The following SLC9A9 variants were observed in gnomAD, a reference collection of about 807,000 sequenced individuals.
SLC9A9 encodes sodium/hydrogen exchanger 9.
A neutral mutation model predicts 77.8 loss-of-function variants in SLC9A9; 62 were observed. That is an observed-to-expected ratio of 0.80 (90% CI 0.65 to 0.98). SLC9A9 has a LOEUF of 0.98. Ranked by LOEUF, SLC9A9 falls within the 50% of genes least tolerant of loss-of-function variation. The pLI is 0.00. For synonymous variants in SLC9A9, 320 were observed against 283.5 expected, an observed-to-expected ratio of 1.13 and a Z score of -1.29; for missense variants, 775 against 774.9, an observed-to-expected ratio of 1.00 and a Z score of 0.00.
At chr3:143,303,498 G>A (rs1046733760) in intron 14 of SLC9A9, among the ~76,000 whole-genome samples, 1 of 152,132 alleles carries the variant, frequency 6.6e-6, no homozygotes, top group South Asian at 2.1e-4. Flanking sequence ...TCTTGCATGA[G>A]AGGCAGCAAG....
intron 12 of SLC9A9, among the ~76,000 whole-genome samples, chr3:143,462,245 C>A (rs1474322202): frequency 6.6e-6 from 1 of 152,056 alleles, no homozygotes; most frequent in African/African-American, 2.4e-5. Flanking sequence ...TGGTGGTGCA[C>A]ACCTGTAGTC....
chr3:143,694,623 G>A (rs941287434), intron 4 of SLC9A9, among the ~76,000 whole-genome samples: 1 of 152,104 alleles, frequency 6.6e-6, no homozygotes, highest in Non-Finnish European at 1.5e-5. Flanking sequence ...ACTGAATATA[G>A]TGTGATGAAG....
intron 14 of SLC9A9, among the ~76,000 whole-genome samples, chr3:143,292,383 T>A (rs1286980087): frequency 6.6e-6 from 1 of 152,216 alleles, no homozygotes; most frequent in African/African-American, 2.4e-5. Flanking sequence ...ACACTACTAT[T>A]TCCATTGTAC....
chr3:143,488,464 G>C (rs1353772969), intron 11 of SLC9A9, among the ~76,000 whole-genome samples: 4 of 151,894 alleles, frequency 2.6e-5, no homozygotes, highest in African/African-American at 9.7e-5. Context: ...ACCACAGACT[G>C]CTATTCCTTA....
At chr3:143,433,281 T>C (rs2034559123) in intron 12 of SLC9A9, among the ~76,000 whole-genome samples, 2 of 152,160 alleles carry the variant, frequency 1.3e-5, no homozygotes, top group Non-Finnish European at 2.9e-5. Context: ...TTAAAAGAGA[T>C]GGTTGCTGGG....
chr3:143,438,778 A>AC (rs1485447730), intron 12 of SLC9A9, among the ~76,000 whole-genome samples: 1 of 152,056 alleles, frequency 6.6e-6, no homozygotes, highest in African/African-American at 2.4e-5. Flanking sequence ...TGGGGAGTGG[A>AC]CCCGAGTTAC....
chr3:143,724,003 C>T (rs1446167557), intron 4 of SLC9A9, among the ~76,000 whole-genome samples: 1 of 152,170 alleles, frequency 6.6e-6, no homozygotes, highest in African/African-American at 2.4e-5. Context: ...AATAATAGCT[C>T]CATTATTTAG....
Position 143,421,216 on chromosome 3 carries a change from C to T in SLC9A9, c.1470-39102G>A, listed in dbSNP as rs532791960. ...GCCAAAGCAATCTACAGATTCAATGCTATTCCTATCAGACTACCAATGTCA... is the reference window on the plus strand; with the variant it reads ...GCCAAAGCAATCTACAGATTCAATGTTATTCCTATCAGACTACCAATGTCA... On this transcript the variant is annotated intron_variant, in intron 12 of 15. Coordinates refer to ENST00000316549, the MANE Select transcript of SLC9A9 (RefSeq NM_173653.4). Among the ~76,000 whole-genome samples the T allele has an allele frequency of 3.8e-3, 573 of 152,256 alleles. 5 individuals carry two copies. Among genetic ancestry groups the T allele is most frequent in the Non-Finnish European group, 5.9e-3 (400 of 68,006 alleles).
chr3:143,356,808 C>A (rs957271085), intron 14 of SLC9A9, among the ~76,000 whole-genome samples: 9 of 152,176 alleles, frequency 5.9e-5, no homozygotes, highest in African/African-American at 1.9e-4. Flanking sequence ...AGCCACTGAA[C>A]CCAGCCTCTT....
chr3:143,822,864 C>T lies in SLC9A9; in HGVS notation c.378+9155G>A, dbSNP rs986971358. Among the ~76,000 whole-genome samples, 4 of 152,198 alleles carry T rather than the reference C, an allele frequency of 2.6e-5. No homozygotes were observed. In the South Asian group the frequency reaches 8.3e-4, roughly 32 times the overall value. ...CTTTGCTCAGGCTCCTTTTCTCTCC[C>T]TCTCTCCCTGCCTTGAATCTCTCTC... On this transcript the variant is annotated intron_variant, in intron 2 of 15. Coordinates refer to ENST00000316549, the MANE Select transcript of SLC9A9 (RefSeq NM_173653.4).
At chr3:143,814,202 G>A (rs896952118) in intron 2 of SLC9A9, among the ~76,000 whole-genome samples, 1 of 152,124 alleles carries the variant, frequency 6.6e-6, no homozygotes, top group Non-Finnish European at 1.5e-5. Context: ...AGTAAGAGGG[G>A]TCAGAAAGGC....
chr3:143,646,024 C>T (rs1029173288), intron 6 of SLC9A9, among the ~76,000 whole-genome samples: 4 of 152,040 alleles, frequency 2.6e-5, no homozygotes, highest in Non-Finnish European at 5.9e-5. Context: ...TCTTCTTTCT[C>T]TTCTATCATG....
chr3:143,477,761 A>AT (rs1468287688), intron 11 of SLC9A9, among the ~76,000 whole-genome samples: 2 of 152,138 alleles, frequency 1.3e-5, no homozygotes, highest in African/African-American at 4.8e-5. Context: ...ATCACAGACT[A>AT]TTTTTTAACA....
At chr3:143,743,221 GGATGGATGGATGGATGGATGGATA>G (rs2108818208) in intron 4 of SLC9A9, among the ~76,000 whole-genome samples, 1 of 115,314 alleles carries the variant, frequency 8.7e-6, no homozygotes, top group South Asian at 3.0e-4. Flanking sequence ...ATGGATGGAT[GGATGGATGGATGGATGGATGGATA>G]GATAGATAGA....
chr3:143,402,846 T>G (rs2033895011), intron 12 of SLC9A9, among the ~76,000 whole-genome samples: 1 of 146,812 alleles, frequency 6.8e-6, no homozygotes. Context: ...GTTATTGATA[T>G]AGTTGGATTT....
At chr3:143,682,183 A>C (rs1933122859) in intron 5 of SLC9A9, among the ~76,000 whole-genome samples, 1 of 152,202 alleles carries the variant, frequency 6.6e-6, no homozygotes, top group Non-Finnish European at 1.5e-5. Context: ...AATCAGATAA[A>C]TTACAGTAAT....
chr3:143,270,744 G>T (rs557057147), intron 14 of SLC9A9, among the ~76,000 whole-genome samples: 5 of 152,154 alleles, frequency 3.3e-5, no homozygotes, highest in African/African-American at 1.2e-4. Context: ...CTGCTGAGAG[G>T]CTCAGCATAC....
At chr3:143,818,463 C>T (rs72995501) in intron 2 of SLC9A9, among the ~76,000 whole-genome samples, 39,906 of 151,816 alleles carry the variant, frequency 0.26, 5,248 homozygotes, top group South Asian at 0.35. Context: ...TGCACCGCCA[C>T]GCCCAGCTGA....
intron 9 of SLC9A9, among the ~76,000 whole-genome samples, chr3:143,507,328 C>A (rs1404891720): frequency 6.6e-6 from 1 of 152,140 alleles, no homozygotes; most frequent in Non-Finnish European, 1.5e-5. Context: ...CTGCCTCAGC[C>A]TCCCGAGTAG....
Sources: gnomAD v4.1 joint callset for allele counts (sites outside exome capture counted in the v4.1 genomes callset) on GRCh38, gnomAD v4.1.1 for gene constraint, MANE v1.5 for transcripts, NCBI Gene and HGNC (gene_info 2026-07-23, HGNC 2026-07-21) for gene names.